Variants in ATG16L1 observed in about 807,000 individuals in gnomAD.
The protein encoded by ATG16L1 is autophagy-related protein 16-1.
In ATG16L1, 37 loss-of-function variants were observed where a neutral mutation model predicts 88.5. The observed-to-expected ratio is 0.42, with a 90% CI of 0.32 to 0.55. ATG16L1 has a LOEUF of 0.55. ATG16L1 is among the 20% of genes least tolerant of loss of function. The probability of loss-of-function intolerance (pLI) is 0.13; values close to 1 mark genes in which losing one functional copy is unlikely to be tolerated. For missense variants in ATG16L1, 554 were observed against 752.8 expected (o/e 0.74, Z 3.09); for synonymous variants, 301 against 281.0 (o/e 1.07, Z -0.71).
chr2:233,272,752 T>G (rs1367729501), intron 6 of ATG16L1, among the ~76,000 whole-genome samples: 1 of 152,238 alleles, frequency 6.6e-6, no homozygotes, highest in Non-Finnish European at 1.5e-5. Context: ...TATTCTCAGT[T>G]GAAATTCTGG....
chr2:233,256,321 T>C, intron 2 of ATG16L1, 126 bp downstream of exon 2: 2 of 784,996 alleles, frequency 2.5e-6, no homozygotes, highest in Non-Finnish European at 4.2e-6. Flanking sequence ...TGTCAGCTCC[T>C]TTCAAATAAG....
intron 16 of ATG16L1, 145 bp from the exon 17 acceptor site, chr2:233,293,111 C>T: frequency 1.4e-6 from 1 of 712,728 alleles, no homozygotes; most frequent in Non-Finnish European, 2.4e-6. Context: ...CTGGAAGGGC[C>T]ATGACTAGCA....
chr2:233,276,573 A>G (rs1177923672), intron 9 of ATG16L1, among the ~76,000 whole-genome samples: 2 of 152,196 alleles, frequency 1.3e-5, no homozygotes, highest in African/African-American at 4.8e-5. Context: ...CTTGGGCTGA[A>G]GCAATCCTCC....
chr2:233,291,668 A>G (rs1300301629), intron 14 of ATG16L1, among the ~76,000 whole-genome samples: 1 of 152,142 alleles, frequency 6.6e-6, no homozygotes, highest in African/African-American at 2.4e-5. Flanking sequence ...TCCTGGCCCC[A>G]TATCTGGAGG....
chr2:233,265,157 C>T lies in ATG16L1; in HGVS notation c.641+14C>T. On this transcript the variant is annotated intron_variant, in intron 5 of 17. Coordinates refer to ENST00000392017, the MANE Select transcript of ATG16L1 (RefSeq NM_030803.7). ...AAAAGACTCCAGGTGGGCTATCAAT[C>T]CACAGTTAGTGGTTTCCATCCTTAG... 6.2e-7 allele frequency: 1 copy of T among 1,613,360 alleles called. No homozygotes were observed. The highest frequency in any genetic ancestry group is 1.1e-5 in the South Asian group (1 of 90,864).
At chr2:233,263,541 C>T (rs965205336) in intron 3 of ATG16L1, among the ~76,000 whole-genome samples, 6 of 152,116 alleles carry the variant, frequency 3.9e-5, no homozygotes, top group Non-Finnish European at 7.3e-5. Context: ...GCGCTGAAGG[C>T]CTCACTGATG....
chr2:233,293,049 C>G (rs1699568387), intron 16 of ATG16L1, among the ~76,000 whole-genome samples: 1 of 152,158 alleles, frequency 6.6e-6, no homozygotes, highest in African/African-American at 2.4e-5. Context: ...CAATGTGATG[C>G]CACTGTTCAT....
intron 12 of ATG16L1, among the ~76,000 whole-genome samples, chr2:233,283,952 C>G (rs1346099090): frequency 6.6e-6 from 1 of 151,566 alleles, no homozygotes; most frequent in Admixed American, 6.6e-5. Flanking sequence ...TCAAGCAATT[C>G]TCCTGCCTCA....
chr2:233,262,089 G>A (rs958465831), intron 2 of ATG16L1, among the ~76,000 whole-genome samples: 1 of 152,190 alleles, frequency 6.6e-6, no homozygotes, highest in African/African-American at 2.4e-5. Context: ...GCCCATTTCA[G>A]TGGGTGACAC....
intron 5 of ATG16L1, among the ~76,000 whole-genome samples, chr2:233,269,455 A>G (rs1381652757): frequency 6.6e-6 from 1 of 152,224 alleles, no homozygotes; most frequent in African/African-American, 2.4e-5. Context: ...ACTCAAAGGA[A>G]GTACTCATTG....
At chr2:233,260,719 C>T (rs1697149611) in intron 2 of ATG16L1, among the ~76,000 whole-genome samples, 1 of 152,190 alleles carries the variant, frequency 6.6e-6, no homozygotes, top group African/African-American at 2.4e-5. Context: ...CCTAGCATTT[C>T]TGTTGTGTTC....
chr2:233,276,147 C>T, intron 9 of ATG16L1: 1 of 359,826 alleles, frequency 2.8e-6, no homozygotes, highest in South Asian at 2.1e-5. Context: ...TGTTGCCCAG[C>T]CTGTTAATAG....
intron 10 of ATG16L1, among the ~76,000 whole-genome samples, 164 bp from the exon 11 acceptor site, chr2:233,280,941 C>G (rs1458431502): frequency 6.6e-6 from 1 of 152,194 alleles, no homozygotes; most frequent in African/African-American, 2.4e-5. Context: ...TCTTTTATCT[C>G]TCATGTTCTC....
At chr2:233,268,876 C>G (rs991971990) in intron 5 of ATG16L1, among the ~76,000 whole-genome samples, 2 of 152,180 alleles carry the variant, frequency 1.3e-5, no homozygotes, top group Non-Finnish European at 2.9e-5. Context: ...GAATTACCAC[C>G]GTGGTAAAAA....
At chr2:233,275,559 T>A (rs1698288764) in intron 9 of ATG16L1, 3 of 371,268 alleles carry the variant, frequency 8.1e-6, no homozygotes, top group Middle Eastern at 1.9e-3. Context: ...GTTCCAGGTA[T>A]AAGGAGGGAC....
chr2:233,256,931 A>G (rs1326693626), intron 2 of ATG16L1, among the ~76,000 whole-genome samples: 1 of 151,932 alleles, frequency 6.6e-6, no homozygotes, highest in Non-Finnish European at 1.5e-5. Context: ...CGAACTCTTG[A>G]CCTCAAATGA....
Position 233,276,055 on chromosome 2 carries a change from A to G in ATG16L1, c.954+1277A>G, listed in dbSNP as rs934641779. The G allele has an allele frequency of 3.3e-5, 16 of 483,522 alleles. 1 individual carries two copies. The highest frequency in any genetic ancestry group is 5.0e-5 in the Non-Finnish European group (12 of 241,200). The allele number at this position is 483,522 out of a possible 1,614,324, so 30.0% of individuals were successfully genotyped here. On this transcript the variant is annotated intron_variant, in intron 9 of 17. Transcript: ENST00000392017. ...GAAAAGGAAATTTCATGGGGGTAAA[A>G]GGTTTGGTCACCTGTCATACTTTTC...
chr2:233,259,881 C>T (rs541292651), intron 2 of ATG16L1, among the ~76,000 whole-genome samples: 3 of 152,132 alleles, frequency 2.0e-5, no homozygotes, highest in Non-Finnish European at 2.9e-5. Flanking sequence ...GTTTATTTAT[C>T]TTCTTATTCC....
intron 13 of ATG16L1, 79 bp downstream of exon 13, chr2:233,290,053 C>T: frequency 6.3e-7 from 1 of 1,586,060 alleles, no homozygotes; most frequent in South Asian, 1.1e-5. Context: ...TCAGAGCCTG[C>T]ATTTATGTAA....
Sources: gnomAD v4.1 joint callset for allele counts (sites outside exome capture counted in the v4.1 genomes callset) on GRCh38, gnomAD v4.1.1 for gene constraint, MANE v1.5 for transcripts, NCBI Gene and HGNC (gene_info 2026-07-23, HGNC 2026-07-21) for gene names.